The following FAM81A variants were observed in gnomAD, a reference collection of about 807,000 sequenced individuals.
FAM81A encodes family with sequence similarity 81 member A.
FAM81A carries 19 observed loss-of-function variants against 46.7 expected under a neutral mutation model. The observed-to-expected ratio is 0.41, with a 90% CI of 0.28 to 0.60. The LOEUF (loss-of-function observed/expected upper bound fraction) is 0.60, where lower values mean the gene tolerates loss of function less well. Ranked by LOEUF, FAM81A falls within the 20% of genes least tolerant of loss-of-function variation. The probability of loss-of-function intolerance (pLI) is 0.34; values close to 1 mark genes in which losing one functional copy is unlikely to be tolerated. For synonymous variants in FAM81A, 183 were observed against 152.9 expected (o/e 1.20, Z -1.45); for missense variants, 377 against 453.5 (o/e 0.83, Z 1.53).
chr15:59,521,044 T>A (rs1183582068), intron 8 of FAM81A, among the ~76,000 whole-genome samples: 1 of 152,170 alleles, frequency 6.6e-6, no homozygotes, highest in East Asian at 1.9e-4. Context: ...GTCTTCTCCA[T>A]TGTAATAGTT....
intron 3 of FAM81A, among the ~76,000 whole-genome samples, chr15:59,491,859 G>A (rs1356968138): frequency 1.3e-5 from 2 of 152,114 alleles, no homozygotes; most frequent in Non-Finnish European, 2.9e-5. Context: ...CCAGCTGCTC[G>A]GGAAGCTGAG....
At chr15:59,427,195 C>G (rs1259719230) in intron 2 of FAM81A, among the ~76,000 whole-genome samples, 1 of 152,170 alleles carries the variant, frequency 6.6e-6, no homozygotes, top group African/African-American at 2.4e-5. Context: ...ACTGCAGCCT[C>G]CGCCTCCTGG....
At chr15:59,504,270 G>A (rs1200182161) in intron 4 of FAM81A, among the ~76,000 whole-genome samples, 1 of 151,972 alleles carries the variant, frequency 6.6e-6, no homozygotes, top group African/African-American at 2.4e-5. Flanking sequence ...CATTGACATG[G>A]GAATGATTTG....
intron 1 of FAM81A, among the ~76,000 whole-genome samples, chr15:59,456,294 G>A (rs974422138): frequency 1.1e-4 from 17 of 152,194 alleles, no homozygotes; most frequent in African/African-American, 3.9e-4. Flanking sequence ...TGGCGGGGGC[G>A]GGGGTTCCCG....
At chr15:59,519,369 A>G (rs1270427973) in intron 8 of FAM81A, among the ~76,000 whole-genome samples, 13 of 151,646 alleles carry the variant, frequency 8.6e-5, no homozygotes, top group African/African-American at 3.2e-4. Flanking sequence ...TTGTATTTTT[A>G]GTAGAGATGG....
chr15:59,473,884 C>T (rs1202318514), intron 3 of FAM81A, among the ~76,000 whole-genome samples: 1 of 152,014 alleles, frequency 6.6e-6, no homozygotes, highest in Admixed American at 6.6e-5. Flanking sequence ...GCTATGTTGC[C>T]CAGGCTGGTC....
chr15:59,434,418 C>G (rs1294398667), upstream of FAM81A, among the ~76,000 whole-genome samples: 3 of 152,246 alleles, frequency 2.0e-5, no homozygotes, highest in Non-Finnish European at 4.4e-5. Flanking sequence ...TGCATTTCTA[C>G]AGCATCCAGT....
intron 2 of FAM81A, among the ~76,000 whole-genome samples, chr15:59,411,185 C>T (rs2081118891): frequency 6.6e-6 from 1 of 152,144 alleles, no homozygotes; most frequent in Admixed American, 6.5e-5. Context: ...TCATAACGCA[C>T]AGATCAAGGA....
intron 7 of FAM81A, 27 bp from the exon 8 acceptor site, chr15:59,516,618 A>C (rs955200879): frequency 2.5e-6 from 4 of 1,591,096 alleles, no homozygotes; most frequent in East Asian, 2.2e-5. Flanking sequence ...TGGAGTGATT[A>C]AGTGCAGTTC....
At position 59,522,549 on chromosome 15, in the gene FAM81A, G is replaced by C. The variant is rs1341770742; in HGVS notation, c.*1171G>C. ...TTTCATCTTGAGCAACTTTGTAGAT[G>C]ATGGGTGTTTTATTTTCAATCGCCA... On this transcript the variant is annotated 3_prime_UTR_variant, in exon 9 of 9. Transcript: ENST00000288228. 2 of 152,214 alleles carry C rather than the reference G, an allele frequency of 1.3e-5. No individual in the cohort carries two copies. Among genetic ancestry groups the C allele is most frequent in the Admixed American group, 6.5e-5 (1 of 15,270 alleles). 9.4% of individuals were successfully genotyped at this position (152,214 alleles called of 1,614,324 possible).
intron 3 of FAM81A, among the ~76,000 whole-genome samples, chr15:59,482,169 C>CT (rs1222996188): frequency 6.6e-6 from 1 of 151,992 alleles, no homozygotes; most frequent in East Asian, 1.9e-4. Flanking sequence ...TTTTAAGCCC[C>CT]TTTTTTTGTG....
chr15:59,481,419 G>GT (rs1266357335), intron 3 of FAM81A, among the ~76,000 whole-genome samples: 4 of 151,408 alleles, frequency 2.6e-5, no homozygotes, highest in African/African-American at 9.7e-5. Context: ...TAAAAGTAAT[G>GT]TATGTCCATT....
intron 2 of FAM81A, among the ~76,000 whole-genome samples, chr15:59,403,883 TTTTC>T (rs1375110300): frequency 8.2e-6 from 1 of 122,430 alleles, no homozygotes; most frequent in Non-Finnish European, 1.6e-5. Flanking sequence ...GTTTCTTTTC[TTTTC>T]TTTTTTTTTT....
rs147559005 is a variant in FAM81A at position 59,480,692 on chromosome 15, G to A, written c.295-11579G>A. On this transcript the variant is annotated intron_variant, in intron 3 of 8. Transcript: ENST00000288228. ...TATGCCTGATGCTCAGCACACAGTA[G>A]GTGTGCAAAAACAAGTTTCTTGAAT... Among the ~76,000 whole-genome samples the A allele has an allele frequency of 4.1e-3, 623 of 152,162 alleles. 6 individuals carry two copies. Among genetic ancestry groups the A allele is most frequent in the African/African-American group, 0.014 (600 of 41,526 alleles).
At chr15:59,441,208 C>T (rs1444951667) in intron 1 of FAM81A, among the ~76,000 whole-genome samples, 2 of 152,236 alleles carry the variant, frequency 1.3e-5, no homozygotes, top group Non-Finnish European at 2.9e-5. Flanking sequence ...TTCCTCTTCT[C>T]CAGTGTCTTT....
intron 2 of FAM81A, among the ~76,000 whole-genome samples, chr15:59,414,683 G>A (rs1178797599): frequency 6.6e-6 from 1 of 152,166 alleles, no homozygotes; most frequent in Non-Finnish European, 1.5e-5. Flanking sequence ...GGCAGATGGG[G>A]AATTAAGAGA....
intron 3 of FAM81A, among the ~76,000 whole-genome samples, chr15:59,483,580 T>A (rs62013105): frequency 2.6e-5 from 4 of 152,196 alleles, no homozygotes; most frequent in African/African-American, 9.7e-5. Flanking sequence ...TTCCTATTCA[T>A]TTCCAAATGG....
At chr15:59,402,449 CACA>C (rs1420250248) in intron 2 of FAM81A, 1 of 152,310 alleles carries the variant, frequency 6.6e-6, no homozygotes, top group African/African-American at 2.4e-5. Flanking sequence ...CCATTATACT[CACA>C]ACGAGTTACA....
chr15:59,507,156 T>C (rs1368237823), intron 4 of FAM81A, 57 bp from the exon 5 acceptor site: 14 of 1,559,290 alleles, frequency 9.0e-6, no homozygotes, highest in Non-Finnish European at 1.1e-5. Flanking sequence ...ATAAGGAAGC[T>C]TTTGCGCATT....
Sources: gnomAD v4.1 joint callset for allele counts (sites outside exome capture counted in the v4.1 genomes callset) on GRCh38, gnomAD v4.1.1 for gene constraint, MANE v1.5 for transcripts, NCBI Gene and HGNC (gene_info 2026-07-23, HGNC 2026-07-21) for gene names.